The following PCSK6 variants were observed in gnomAD, a reference collection of about 807,000 sequenced individuals.
PCSK6 encodes the protein paired basic amino acid cleaving enzyme 4.
Under a neutral mutation model 123.3 loss-of-function variants are expected in PCSK6, and 85 were observed. The observed-to-expected ratio is 0.69, with a 90% confidence interval of 0.58 to 0.83. The LOEUF (loss-of-function observed/expected upper bound fraction) is 0.83. PCSK6 is among the 40% of genes least tolerant of loss of function. The pLI is 0.00. For missense variants in PCSK6, 1,191 were observed against 1,282.3 expected, an observed-to-expected ratio of 0.93 and a Z score of 1.09; for synonymous variants, 508 against 516.0, an observed-to-expected ratio of 0.98 and a Z score of 0.21.
chr15:101,449,938 T>C (rs1414274238), intron 1 of PCSK6, among the ~76,000 whole-genome samples: 1 of 152,076 alleles, frequency 6.6e-6, no homozygotes, highest in African/African-American at 2.4e-5. Context: ...CTGGGCCGGA[T>C]CTGCACCATC....
At chr15:101,397,451 T>C (rs898178582) in intron 7 of PCSK6, among the ~76,000 whole-genome samples, 10 of 152,224 alleles carry the variant, frequency 6.6e-5, no homozygotes, top group African/African-American at 2.4e-4. Context: ...GTAAAAATAT[T>C]TTAAACGATA....
intron 13 of PCSK6, among the ~76,000 whole-genome samples, chr15:101,349,464 C>T (rs987792513): frequency 3.9e-5 from 6 of 152,178 alleles, no homozygotes; most frequent in African/African-American, 1.4e-4. Flanking sequence ...CTGTAGAGGT[C>T]GCAGCCAATT....
chr15:101,372,768 C>T (rs2041623604), intron 11 of PCSK6, among the ~76,000 whole-genome samples: 1 of 152,186 alleles, frequency 6.6e-6, no homozygotes, highest in African/African-American at 2.4e-5. Flanking sequence ...ACCCCAAAAA[C>T]CAGGAATAAC....
chr15:101,354,377 T>C (rs2040981792), intron 13 of PCSK6, among the ~76,000 whole-genome samples: 2 of 152,044 alleles, frequency 1.3e-5, no homozygotes, highest in African/African-American at 4.8e-5. Flanking sequence ...AAGCACACAC[T>C]CCCATACACA....
At chr15:101,459,448 A>C (rs1596357222) in intron 1 of PCSK6, among the ~76,000 whole-genome samples, 1 of 142,906 alleles carries the variant, frequency 7.0e-6, no homozygotes, top group African/African-American at 2.8e-5. Context: ...AGTCCACATC[A>C]CCTGCTGCCA....
intron 13 of PCSK6, among the ~76,000 whole-genome samples, chr15:101,361,425 T>C (rs2141438470): frequency 1.8e-5 from 2 of 111,976 alleles, no homozygotes; most frequent in Admixed American, 9.9e-5. Context: ...GAGTGTAAGG[T>C]GGGAGAGTGG....
intron 13 of PCSK6, among the ~76,000 whole-genome samples, chr15:101,344,542 C>G (rs1300817160): frequency 1.3e-5 from 2 of 152,210 alleles, no homozygotes; most frequent in Non-Finnish European, 2.9e-5. Context: ...TGGAGTTTCC[C>G]CTTGGCTGAA....
At chr15:101,474,931 A>C (rs2057694176) in intron 1 of PCSK6, among the ~76,000 whole-genome samples, 2 of 152,182 alleles carry the variant, frequency 1.3e-5, no homozygotes, top group Non-Finnish European at 2.9e-5. Context: ...CCAGTGGGTC[A>C]TTGAAGGTGA....
chr15:101,429,810 C>A (rs2056385112), intron 5 of PCSK6, among the ~76,000 whole-genome samples, 177 bp downstream of exon 5: 1 of 152,242 alleles, frequency 6.6e-6, no homozygotes, highest in African/African-American at 2.4e-5. Flanking sequence ...CAGAAGCTGG[C>A]CGTGCCTGAA....
chr15:101,318,945 C>A (rs183486656), intron 18 of PCSK6, among the ~76,000 whole-genome samples: 1 of 152,370 alleles, frequency 6.6e-6, no homozygotes, highest in East Asian at 1.9e-4. Context: ...GGAGCCCCAG[C>A]AGGCCTGTCA....
intron 6 of PCSK6, among the ~76,000 whole-genome samples, chr15:101,417,910 G>T (rs909755202): frequency 3.3e-5 from 5 of 151,596 alleles, no homozygotes; most frequent in Non-Finnish European, 5.9e-5. Context: ...GGGGTTATAT[G>T]TGCAAATTTA....
chr15:101,339,806 G>C (rs751315795), intron 13 of PCSK6, among the ~76,000 whole-genome samples: 22 of 152,066 alleles, frequency 1.4e-4, no homozygotes, highest in Admixed American at 5.2e-4. Context: ...ATCCATTCAG[G>C]AGGCTGAGTT....
chr15:101,334,951 G>GTGTGTGTA (rs1003516397), intron 13 of PCSK6, among the ~76,000 whole-genome samples: 9 of 152,092 alleles, frequency 5.9e-5, no homozygotes, highest in Admixed American at 2.0e-4. Flanking sequence ...TTATGTGTGT[G>GTGTGTGTA]TGTGTGTATG....
chr15:101,305,097 A>G lies in PCSK6; in HGVS notation c.*161T>C. 1 of 614,568 alleles carries G rather than the reference A, an allele frequency of 1.6e-6. No individual in the cohort carries two copies. Among genetic ancestry groups the G allele is most frequent in the Non-Finnish European group, 2.9e-6 (1 of 346,752 alleles). 38.1% of individuals were successfully genotyped at this position (614,568 alleles called of 1,614,324 possible). On this transcript the variant is annotated 3_prime_UTR_variant, in exon 22 of 22. Transcript: ENST00000611716. This position sits in a 1 kb window ranked among gnomAD's most constrained non-coding sequence, Gnocchi z 4.8. The stretch of plus-strand genomic sequence containing the variant: ...TTTTAGGAACACCTCCTTAAGAGCC[A>G]CCACCCACCTGGCTTGGGTGCTCAG...
intron 13 of PCSK6, among the ~76,000 whole-genome samples, chr15:101,351,231 C>T (rs1330612009): frequency 1.3e-5 from 2 of 152,210 alleles, no homozygotes; most frequent in Non-Finnish European, 2.9e-5. Context: ...GCTGGGTTTA[C>T]TGTTGATTTT....
rs1567131924 is a variant in PCSK6 at position 101,305,133 on chromosome 15, C to T, written c.*125G>A. On this transcript the variant is annotated 3_prime_UTR_variant, in exon 22 of 22. Transcript: ENST00000611716. The surrounding 1 kb of genome is among the most constrained non-coding windows in gnomAD (Gnocchi z 4.8). ...GGCTTGGGTGCTCAGAGATGCTGCT[C>T]CTGGGGAGATAAAGCTGTCAGGTGC... 5 of 780,810 alleles carry T rather than the reference C, an allele frequency of 6.4e-6. No individual in the cohort carries two copies. Among genetic ancestry groups the T allele is most frequent in the East Asian group, 5.4e-5 (2 of 37,104 alleles). 48.4% of individuals were successfully genotyped at this position (780,810 alleles called of 1,614,324 possible).
chr15:101,347,030 A>G, intron 13 of PCSK6: 1 of 1,231,754 alleles, frequency 8.1e-7, no homozygotes, highest in Non-Finnish European at 1.0e-6. Flanking sequence ...TTAAAAATGG[A>G]ACTTTTTGAC....
intron 20 of PCSK6, among the ~76,000 whole-genome samples, chr15:101,310,786 C>A (rs1355359735): frequency 6.6e-6 from 1 of 152,220 alleles, no homozygotes; most frequent in Admixed American, 6.5e-5. Flanking sequence ...GTGGTTCTTA[C>A]ACACAGCCTG....
chr15:101,338,938 C>A (rs1422810314), intron 13 of PCSK6, among the ~76,000 whole-genome samples: 1 of 152,228 alleles, frequency 6.6e-6, no homozygotes, highest in Non-Finnish European at 1.5e-5. Context: ...CATTCACTAT[C>A]TTCAATGCAG....
Sources: gnomAD v4.1 joint callset for allele counts (sites outside exome capture counted in the v4.1 genomes callset) on GRCh38, gnomAD v4.1.1 for gene constraint, Gnocchi (gnomAD v3.1) non-coding constraint, MANE v1.5 for transcripts, NCBI Gene and HGNC (gene_info 2026-07-23, HGNC 2026-07-21) for gene names.